MACF1: variants seen among roughly 807,000 people sequenced by gnomAD.
MACF1 encodes microtubule-actin cross-linking factor 1.
In MACF1, 193 loss-of-function variants were observed where a neutral mutation model predicts 854.8. The ratio of observed to expected loss-of-function variants is 0.23; its 90% confidence interval spans 0.20 to 0.25. The LOEUF is 0.25. Among genes scored for constraint, MACF1 ranks in the 10% least tolerant of loss-of-function variants. MACF1 has a pLI of 1.00. For synonymous variants in MACF1, 3,185 were observed against 3,226.7 expected (o/e 0.99, Z 0.44); for missense variants, 7,722 against 8,929.1 (o/e 0.86, Z 5.45).
At chr1:39,272,443 G>A (rs1017660382) in intron 6 of MACF1, among the ~76,000 whole-genome samples, 1 of 152,228 alleles carries the variant, frequency 6.6e-6, no homozygotes, top group South Asian at 2.1e-4. Context: ...AAGAGCAGCT[G>A]CTGCTGTTCA....
At chr1:39,373,373 A>C (rs1210838410) in intron 52 of MACF1, 1 of 150,910 alleles carries the variant, frequency 6.6e-6, no homozygotes, top group Non-Finnish European at 1.5e-5. Context: ...GGAGTCTGAA[A>C]CAGGAGAATA....
Position 39,485,739 on chromosome 1 carries a change from C to T in MACF1, c.22613C>T (p.Thr7538Ile). ...RGLNKPSKIP[T>I]MSKKTTTASP... ...CTAAACAAACCTTCCAAAATCCCAA[C>T]CATGTCTAAGAAGACCACCACTGCC... Residue 7538 changes from threonine to isoleucine, a missense_variant, in exon 101 of 101, where the codon ACC becomes ATC. By Grantham distance (89) the Thr-to-Ile change is moderately conservative. Transcript: ENST00000564288. 1 of 1,613,774 alleles carries T rather than the reference C, an allele frequency of 6.2e-7. No individual in the cohort carries two copies. The highest frequency in any genetic ancestry group is 2.2e-5 in the East Asian group (1 of 44,874).
rs143141361 is a variant in MACF1, at chr1:39,372,572, G to A, written c.13189G>A (p.Ala4397Thr). 7.6e-5 allele frequency: 122 copies of A among 1,612,510 alleles called. No homozygotes were observed. Among genetic ancestry groups the A allele is most frequent in the Non-Finnish European group, 9.8e-5 (115 of 1,178,656 alleles). Residue 4397 changes from alanine (A) to threonine (T), a missense_variant, in exon 52 of 101, where the codon GCA (alanine) becomes ACA (threonine). By Grantham distance (58) the Ala-to-Thr change is moderately conservative (BLOSUM62 0). This residue lies in a region of MACF1 where 2,807 missense variants were observed against 3,235.8 expected (regional missense o/e 0.87). Transcript: ENST00000564288. ...SLENLIMEIT[A>T]PDSQGKTGSI... ...AGAAAATCTCATCATGGAAATCACA[G>A]CACCTGATTCCCAAGGCAAGACAGG...
chr1:39,254,191 G>C, intron 4 of MACF1, 107 bp from the exon 5 acceptor site: 1 of 922,270 alleles, frequency 1.1e-6, no homozygotes, highest in Non-Finnish European at 1.7e-6. Context: ...GGCTTCTACT[G>C]TAAGGAATTC....
At chr1:39,237,859 G>C (rs1644877268) in intron 2 of MACF1, among the ~76,000 whole-genome samples, 1 of 151,784 alleles carries the variant, frequency 6.6e-6, no homozygotes. Context: ...TGTGGCTCCA[G>C]TTACAAAAAA....
At chr1:39,405,478 G>T (rs1557634218) in intron 58 of MACF1, among the ~76,000 whole-genome samples, 1 of 152,224 alleles carries the variant, frequency 6.6e-6, no homozygotes, top group Non-Finnish European at 1.5e-5. Flanking sequence ...TGAATCTGGG[G>T]TCTCCAGATT....
chr1:39,152,976 C>A (rs748895045), intron 2 of MACF1, among the ~76,000 whole-genome samples: 6 of 152,092 alleles, frequency 3.9e-5, no homozygotes, highest in Non-Finnish European at 8.8e-5. Context: ...TTCAGAATAA[C>A]CAAATGTAGT....
chr1:39,430,089 A>C, intron 65 of MACF1, 21 bp downstream of exon 65: 1 of 1,591,622 alleles, frequency 6.3e-7, no homozygotes, highest in Non-Finnish European at 8.5e-7. Context: ...ACTTTACCAT[A>C]AAAAGAAAAA....
intron 14 of MACF1, 112 bp downstream of exon 14, chr1:39,285,870 C>A: frequency 1.6e-6 from 2 of 1,238,084 alleles, no homozygotes; most frequent in Non-Finnish European, 2.3e-6. Flanking sequence ...CATTTGAGGT[C>A]AGTGTCTCAA....
chr1:39,385,866 G>A lies in MACF1; in HGVS notation c.14281G>A (p.Asp4761Asn). The stretch of plus-strand genomic sequence containing the variant: ...GCTCATTGGTGAGCAGTACCTCAAG[G>A]ATGAACTGAAGAAGCGTTTGGAGAC... The part of the protein sequence containing the change: ...SVLIGEQYLK[D>N]ELKKRLETVA... Residue 4761 changes from aspartate (D) to asparagine (N), a missense_variant, in exon 57 of 101, where the codon GAT (aspartate) becomes AAT (asparagine). By Grantham distance (23) the Asp-to-Asn change is conservative. Transcript: ENST00000564288. The A allele has an allele frequency of 6.2e-7, 1 of 1,614,126 alleles. No homozygotes were observed. Among genetic ancestry groups the A allele is most frequent in the Non-Finnish European group, 8.5e-7 (1 of 1,180,020 alleles).
rs199609612 is a variant in MACF1 at position 39,404,141 on chromosome 1, A to ATAAG, written c.15816+15491_15816+15494dup. ...GACTCTGCCTCAAAAAAATAAATAA[A>ATAAG]TAAGTAAGTAAATAAATAAATAAAT... is the stretch of plus-strand genomic sequence containing the variant. On this transcript the variant is annotated intron_variant, in intron 58 of 100. Transcript: ENST00000564288. Among the ~76,000 whole-genome samples the ATAAG allele has an allele frequency of 7.1e-3, 984 of 138,094 alleles. 2 individuals are homozygous for ATAAG. Among genetic ancestry groups the ATAAG allele is most frequent in the African/African-American group, 8.4e-3 (291 of 34,766 alleles). The allele number at this position is 138,094 out of a possible 152,430, so 90.6% of individuals were successfully genotyped here. A position where few individuals can be genotyped will look rare whatever the true frequency, so the allele number is the denominator to read the frequency against.
intron 58 of MACF1, among the ~76,000 whole-genome samples, chr1:39,408,958 C>CGCCCTA (rs1642845474): frequency 6.6e-6 from 1 of 151,756 alleles, no homozygotes; most frequent in African/African-American, 2.4e-5. Flanking sequence ...CCCCCGCCCT[C>CGCCCTA]GTCCTCCTTC....
In MACF1 at chr1:39,485,855, A is replaced by G; in HGVS notation, c.*61A>G. ...GAATCCTGCTCCATACATTGGGTGT[A>G]TATTTATTCTGAACGGGAGAAGTTA... On this transcript the variant is annotated 3_prime_UTR_variant, in exon 101 of 101. Transcript: ENST00000564288. 2.1e-6 allele frequency: 3 copies of G among 1,460,798 alleles called. No individual in the cohort carries two copies. Among genetic ancestry groups the G allele is most frequent in the Non-Finnish European group, 2.7e-6 (3 of 1,099,222 alleles). 90.5% of individuals were successfully genotyped at this position (1,460,798 alleles called of 1,614,324 possible).
intron 49 of MACF1, among the ~76,000 whole-genome samples, chr1:39,365,878 G>A (rs763899170): frequency 2.0e-5 from 3 of 151,996 alleles, no homozygotes; most frequent in Non-Finnish European, 4.4e-5. Context: ...GTTTCACCAT[G>A]TTGGCCAGGC....
At chr1:39,315,732 C>T (rs759862200) in intron 27 of MACF1, 41 bp downstream of exon 27, 4 of 1,590,474 alleles carry the variant, frequency 2.5e-6, no homozygotes, top group Non-Finnish European at 3.4e-6. Context: ...CAATATTTTC[C>T]ATTGGGATAA....
chr1:39,437,715 A>G (rs1644012591), intron 70 of MACF1, 62 bp from the exon 71 acceptor site: 9 of 1,263,148 alleles, frequency 7.1e-6, no homozygotes, highest in Non-Finnish European at 1.0e-5. Flanking sequence ...CTTATTCCCT[A>G]ACACTTCTCC....
In MACF1 at chr1:39,447,470, C is replaced by T. The variant is rs1250164025; in HGVS notation, c.19644C>T (p.Phe6548=). ...LEEALNLATE[F]QNSLQEFINW... ...AGGCCCTCAACTTGGCAACAGAATT[C>T]CAGAATTCCCTACAAGAATTTATCA... The change falls in exon 81 of 101, where the codon TTC becomes TTT. Residue 6548 remains phenylalanine (F), a synonymous_variant. Coordinates refer to ENST00000564288, the MANE Select transcript of MACF1 (RefSeq NM_001394062.1). 1 of 1,613,922 alleles carries T rather than the reference C, an allele frequency of 6.2e-7. No homozygotes were observed. Among genetic ancestry groups the T allele is most frequent in the African/African-American group, 1.3e-5 (1 of 74,908 alleles).
At chr1:39,128,204 A>ATTTTTAT (rs1411939160) in intron 2 of MACF1, among the ~76,000 whole-genome samples, 1 of 151,068 alleles carries the variant, frequency 6.6e-6, no homozygotes, top group East Asian at 1.9e-4. Flanking sequence ...TCTGGCTTAC[A>ATTTTTAT]TTTTTATTTT....
intron 55 of MACF1, among the ~76,000 whole-genome samples, 159 bp downstream of exon 55, chr1:39,380,532 GA>G (rs2148555313): frequency 6.6e-6 from 1 of 152,256 alleles, no homozygotes; most frequent in Non-Finnish European, 1.5e-5. Flanking sequence ...CCTGAATTGG[GA>G]AGAAAATTAG....
Sources: allele counts gnomAD v4.1 joint callset (sites outside exome capture counted in the v4.1 genomes callset), GRCh38; gene constraint gnomAD v4.1.1; regional missense constraint gnomAD v4.1.1; transcripts MANE v1.5; gene names NCBI Gene and HGNC (gene_info 2026-07-23, HGNC 2026-07-21).